Variants in HPSE2 observed in about 807,000 individuals in gnomAD.
HPSE2 encodes the protein heparanase 2 (inactive).
In HPSE2, 38 loss-of-function variants were observed where a neutral mutation model predicts 60.5. The ratio of observed to expected loss-of-function variants is 0.63; its 90% confidence interval spans 0.48 to 0.82. The LOEUF is 0.82. Among genes scored for constraint, HPSE2 ranks in the 40% least tolerant of loss-of-function variants. HPSE2 has a pLI of 0.00. For synonymous variants in HPSE2, 295 were observed against 293.2 expected, an observed-to-expected ratio of 1.01 and a Z score of -0.06; for missense variants, 713 against 740.4, an observed-to-expected ratio of 0.96 and a Z score of 0.43.
At chr10:99,024,672 G>T (rs544545092) in intron 3 of HPSE2, among the ~76,000 whole-genome samples, 76 of 152,084 alleles carry the variant, frequency 5.0e-4, no homozygotes, top group Non-Finnish European at 1.1e-3. Context: ...CCTAAAAGCA[G>T]CAAGAAAAAA....
the HPSE2 span, among the ~76,000 whole-genome samples, chr10:99,244,210 G>T: frequency 6.6e-6 from 1 of 151,420 alleles, no homozygotes; most frequent in Non-Finnish European, 1.5e-5. Flanking sequence ...GTAGAGAGAG[G>T]GTTTCACCAT....
intron 4 of HPSE2, among the ~76,000 whole-genome samples, chr10:98,727,899 C>T (rs1395691212): frequency 6.6e-6 from 1 of 151,996 alleles, no homozygotes; most frequent in Non-Finnish European, 1.5e-5. Context: ...ATGATATATT[C>T]AAAATGCTGA....
chr10:98,634,822 T>G (rs1247522854), intron 7 of HPSE2, among the ~76,000 whole-genome samples: 2 of 152,216 alleles, frequency 1.3e-5, no homozygotes, highest in Admixed American at 1.3e-4. Flanking sequence ...AAACCATTCC[T>G]TTATCCATAC....
chr10:98,960,717 TTTTGTTTTA>T (rs1955642337), intron 3 of HPSE2, among the ~76,000 whole-genome samples: 7 of 21,938 alleles, frequency 3.2e-4, no homozygotes, highest in African/African-American at 1.2e-3. Context: ...TTTTTTTTTT[TTTTGTTTTA>T]TTTTTTTTAT....
intron 9 of HPSE2, among the ~76,000 whole-genome samples, chr10:98,492,965 TA>T (rs1199637728): frequency 5.9e-5 from 9 of 152,200 alleles, no homozygotes; most frequent in Non-Finnish European, 1.5e-5. Flanking sequence ...CTGTACCCAT[TA>T]AACATTAACT....
chr10:98,766,255 A>G (rs968618607), intron 3 of HPSE2, among the ~76,000 whole-genome samples: 1 of 152,206 alleles, frequency 6.6e-6, no homozygotes, highest in Non-Finnish European at 1.5e-5. Context: ...GAATAATCAT[A>G]TATCTACCAA....
chr10:99,273,168 T>C, the HPSE2 span, among the ~76,000 whole-genome samples: 65 of 152,306 alleles, frequency 4.3e-4, no homozygotes, highest in African/African-American at 1.4e-3. Flanking sequence ...AACTCAGGAA[T>C]AGAAAACTAA....
intron 3 of HPSE2, among the ~76,000 whole-genome samples, chr10:98,830,511 T>C (rs1951659570): frequency 6.6e-6 from 1 of 152,142 alleles, no homozygotes; most frequent in Non-Finnish European, 1.5e-5. Context: ...AACAGAACAC[T>C]GGGCCTCAGA....
At chr10:98,888,135 A>AACACAC (rs3043548) in intron 3 of HPSE2, among the ~76,000 whole-genome samples, 6,828 of 140,744 alleles carry the variant, frequency 0.049, 240 homozygotes, top group East Asian at 0.091. Flanking sequence ...TTTTAAAACA[A>AACACAC]ACACACACAC....
At chr10:98,574,593 A>G (rs1589441860) in intron 9 of HPSE2, among the ~76,000 whole-genome samples, 1 of 152,248 alleles carries the variant, frequency 6.6e-6, no homozygotes, top group African/African-American at 2.4e-5. Flanking sequence ...GATCCCACAG[A>G]CCCATCCAGT....
At chr10:99,022,079 C>G (rs1205891807) in intron 3 of HPSE2, among the ~76,000 whole-genome samples, 1 of 132,484 alleles carries the variant, frequency 7.5e-6, no homozygotes, top group Non-Finnish European at 1.5e-5. Flanking sequence ...CTTAATATCA[C>G]TGAAAGAGGC....
Position 98,917,782 on chromosome 10 carries a change from A to T in HPSE2, c.611-173726T>A, listed in dbSNP as rs562307142. On this transcript the variant is annotated intron_variant, in intron 3 of 11. Coordinates refer to ENST00000370552, the MANE Select transcript of HPSE2 (RefSeq NM_021828.5). ...TGAAGGAACAAATAAACGTTTAGTA[A>T]CACTTGTACAGGAGAAACTGGTAGG... 6.8e-4 allele frequency among the ~76,000 whole-genome samples: 104 copies of T among 152,322 alleles called. 1 individual carries two copies. The highest frequency in any genetic ancestry group is 2.4e-3 in the African/African-American group (100 of 41,574).
chr10:98,768,642 A>G (rs1458820577), intron 3 of HPSE2, among the ~76,000 whole-genome samples: 1 of 152,190 alleles, frequency 6.6e-6, no homozygotes, highest in Non-Finnish European at 1.5e-5. Context: ...TATAGTCCAC[A>G]TATATAAATA....
At chr10:98,991,044 A>G (rs1330033585) in intron 3 of HPSE2, among the ~76,000 whole-genome samples, 1 of 152,052 alleles carries the variant, frequency 6.6e-6, no homozygotes, top group East Asian at 1.9e-4. Flanking sequence ...TTCTCATACC[A>G]TTTCCCTAAT....
chr10:98,926,855 A>G (rs948893964), intron 3 of HPSE2, among the ~76,000 whole-genome samples: 6 of 152,090 alleles, frequency 3.9e-5, no homozygotes, highest in Non-Finnish European at 5.9e-5. Flanking sequence ...TTCTACCTTC[A>G]TTTCGTTATG....
In HPSE2 at chr10:98,722,344, C is replaced by T. The variant is rs1430470317; in HGVS notation, c.785-516G>A. Among the ~76,000 whole-genome samples, 3 of 151,544 alleles carry T rather than the reference C, an allele frequency of 2.0e-5. No homozygotes were observed. In the Admixed American group the frequency reaches 2.0e-4, roughly 10 times the overall value. On this transcript the variant is annotated intron_variant, in intron 4 of 11. Transcript: ENST00000370552. ...CAAAGATTGGAGAGATGTTGCTAGGCTAAGCATTGCTGGCAGCCACCGGAA... is the reference window on the plus strand; with the variant it reads ...CAAAGATTGGAGAGATGTTGCTAGGTTAAGCATTGCTGGCAGCCACCGGAA...
intron 3 of HPSE2, among the ~76,000 whole-genome samples, chr10:98,899,908 C>T (rs1007822714): frequency 5.3e-5 from 8 of 151,870 alleles, no homozygotes; most frequent in Admixed American, 4.6e-4. Flanking sequence ...CTCAGCTTCC[C>T]GAGTAGCTGG....
intron 3 of HPSE2, among the ~76,000 whole-genome samples, chr10:99,042,674 G>A (rs1957767515): frequency 6.6e-6 from 1 of 151,978 alleles, no homozygotes; most frequent in Admixed American, 6.6e-5. Flanking sequence ...ACCGAGAAAG[G>A]TGTGGCTTAT....
chr10:99,233,617 CA>C (rs1280885495), intron 1 of HPSE2, among the ~76,000 whole-genome samples: 3 of 152,098 alleles, frequency 2.0e-5, no homozygotes, highest in African/African-American at 7.2e-5. Context: ...TCTGAAAACC[CA>C]AATCCACATG....
Sources: allele counts gnomAD v4.1 joint callset (sites outside exome capture counted in the v4.1 genomes callset), GRCh38; gene constraint gnomAD v4.1.1; transcripts MANE v1.5; gene names NCBI Gene and HGNC (gene_info 2026-07-23, HGNC 2026-07-21).